Variants in USP34 observed in about 807,000 individuals in gnomAD.
USP34 encodes ubiquitin specific peptidase 34.
Under a neutral mutation model 460.3 loss-of-function variants are expected in USP34, and 70 were observed. That is an observed-to-expected ratio of 0.15 (90% confidence interval 0.13 to 0.19). USP34 has a LOEUF of 0.19. USP34 is among the 10% of genes least tolerant of loss of function. The pLI is 1.00. For synonymous variants in USP34, 1,647 were observed against 1,405.3 expected (o/e 1.17, Z -3.85); for missense variants, 3,985 against 4,236.2 (o/e 0.94, Z 1.65).
At chr2:61,188,861 A>G in intron 79 of USP34, 49 bp downstream of exon 79, 1 of 1,605,354 alleles carries the variant, frequency 6.2e-7, no homozygotes. Context: ...CAAGTGTATT[A>G]CTCCCTCCTC....
At chr2:61,395,376 C>T in intron 3 of USP34, 143 bp from the exon 4 acceptor site, 1 of 617,406 alleles carries the variant, frequency 1.6e-6, no homozygotes, top group Non-Finnish European at 2.9e-6. Context: ...ATACTCCTAA[C>T]TGAAGCTAAT....
In USP34 at chr2:61,405,830, C is replaced by G. The variant is rs750085754; in HGVS notation, c.430G>C (p.Asp144His). Residue 144 changes from aspartate (D) to histidine (H), a missense_variant, in exon 3 of 80, where the codon GAT becomes CAT. Transcript: ENST00000398571. ...TCTGTACTCCATAAACTAAAAGGAT[C>G]AGAACTCTTTGAAGATTCCTCCTCA... The part of the protein sequence containing the change: ...LTEEESSKSS[D>H]PFSLWSTDEK... 6.8e-6 allele frequency: 11 copies of G among 1,613,640 alleles called. No homozygotes were observed. Among genetic ancestry groups the G allele is most frequent in the South Asian group, 1.1e-5 (1 of 91,012 alleles).
In USP34 at chr2:61,333,884, T is replaced by C. The variant is rs774000169; in HGVS notation, c.2832A>G (p.Thr944=). The C allele has an allele frequency of 4.6e-6, 7 of 1,523,612 alleles. No homozygotes were observed. Among genetic ancestry groups the C allele is most frequent in the Non-Finnish European group, 6.2e-6 (7 of 1,135,016 alleles). The allele number at this position is 1,523,612 out of a possible 1,614,324, so 94.4% of individuals were successfully genotyped here. Residue 944 remains threonine, a splice_region_variant and synonymous_variant, in exon 19 of 80, where the codon ACA becomes ACG. Coordinates refer to ENST00000398571, the MANE Select transcript of USP34 (RefSeq NM_014709.4). ...FGSSYDTHWI[T]MWAEKELNMM... ...ACTTTTTTCTTTTATTTACTTACAT[T>C]GTTATCCAGTGTGTATCGTAACTGC...
chr2:61,352,174 T>C (rs950047633), intron 10 of USP34, among the ~76,000 whole-genome samples: 1 of 152,172 alleles, frequency 6.6e-6, no homozygotes, highest in Non-Finnish European at 1.5e-5. Context: ...ATCTCAAACT[T>C]TGTAGCAGTT....
chr2:61,383,397 C>T, intron 5 of USP34, 61 bp from the exon 6 acceptor site: 2 of 1,282,966 alleles, frequency 1.6e-6, no homozygotes, highest in Non-Finnish European at 2.2e-6. Context: ...ATATCTTTCA[C>T]TAAACTAATG....
At chr2:61,217,433 T>A (rs182034505) in intron 67 of USP34, among the ~76,000 whole-genome samples, 1 of 152,388 alleles carries the variant, frequency 6.6e-6, no homozygotes, top group Non-Finnish European at 1.5e-5. Context: ...GTTATTTTAA[T>A]TCTTATTCTA....
chr2:61,303,199 TG>T (rs993432859), intron 27 of USP34, among the ~76,000 whole-genome samples: 2 of 151,990 alleles, frequency 1.3e-5, no homozygotes, highest in Non-Finnish European at 2.9e-5. Context: ...CCTGAATAGC[TG>T]GGACTACAGG....
chr2:61,451,244 A>AAAAAAAAAAAAAAAAAAAAC (rs1695267059), intron 1 of USP34, among the ~76,000 whole-genome samples: 1 of 150,120 alleles, frequency 6.7e-6, no homozygotes, highest in Non-Finnish European at 1.5e-5. Context: ...AAAAAAAAAA[A>AAAAAAAAAAAAAAAAAAAAC]AGAAATGAAT....
At chr2:61,464,707 G>C (rs1237592908) in intron 1 of USP34, among the ~76,000 whole-genome samples, 1 of 112,862 alleles carries the variant, frequency 8.9e-6, no homozygotes, top group East Asian at 3.1e-4. Context: ...GAAAGAGCGA[G>C]ACTCCGTCTC....
At chr2:61,445,847 C>T (rs910950328) in intron 1 of USP34, among the ~76,000 whole-genome samples, 2 of 151,710 alleles carry the variant, frequency 1.3e-5, no homozygotes, top group African/African-American at 4.8e-5. Context: ...ACTCGGGAGC[C>T]TGAGGCAGAA....
intron 20 of USP34, among the ~76,000 whole-genome samples, chr2:61,330,251 T>C (rs947426245): frequency 6.6e-6 from 1 of 152,182 alleles, no homozygotes; most frequent in African/African-American, 2.4e-5. Flanking sequence ...TGGGTTGTTG[T>C]ATATCTTAAA....
At position 61,256,923 on chromosome 2, in the gene USP34, C is replaced by A; in HGVS notation, c.6076G>T (p.Glu2026Ter). Reference protein sequence around the residue: ...LDCEHVSQTAEEFYTVRCQVA... With the variant: ...LDCEHVSQTA The stretch of plus-strand genomic sequence containing the variant: ...TGGCACCTCACAGTATAAAACTCTT[C>A]AGCAGTTTGACTAACATGTTCACAA... Residue 2026 changes from glutamate to a stop codon, truncating the protein, a stop_gained, in exon 47 of 80, where the codon GAA becomes TAA. Coordinates refer to ENST00000398571, the MANE Select transcript of USP34 (RefSeq NM_014709.4). LOFTEE classifies it high-confidence loss of function. The A allele has an allele frequency of 6.4e-7, 1 of 1,564,516 alleles. No homozygotes were observed. The highest frequency in any genetic ancestry group is 1.3e-5 in the South Asian group (1 of 79,362).
chr2:61,362,191 C>A (rs1692296115), intron 10 of USP34, among the ~76,000 whole-genome samples: 1 of 152,058 alleles, frequency 6.6e-6, no homozygotes, highest in African/African-American at 2.4e-5. Context: ...AATGGGAATC[C>A]TTATACACTG....
chr2:61,457,487 G>C (rs1695474453), intron 1 of USP34, among the ~76,000 whole-genome samples: 1 of 152,108 alleles, frequency 6.6e-6, no homozygotes, highest in African/African-American at 2.4e-5. Flanking sequence ...GGTTTTTTCT[G>C]GTCCTTGAGA....
At chr2:61,329,477 A>T (rs1204220977) in intron 20 of USP34, among the ~76,000 whole-genome samples, 2 of 152,224 alleles carry the variant, frequency 1.3e-5, no homozygotes, top group Admixed American at 6.5e-5. Context: ...CATCCTGTAT[A>T]GAGGGAACTT....
chr2:61,467,455 GT>G (rs1485300205), intron 1 of USP34, among the ~76,000 whole-genome samples: 1 of 151,776 alleles, frequency 6.6e-6, no homozygotes, highest in Non-Finnish European at 1.5e-5. Flanking sequence ...TGACTGTTTT[GT>G]GAGGTTGCTT....
At chr2:61,194,951 C>CAA (rs59097382) in intron 75 of USP34, among the ~76,000 whole-genome samples, 6 of 126,234 alleles carry the variant, frequency 4.8e-5, no homozygotes, top group East Asian at 4.6e-4. Context: ...GAAACTCTGT[C>CAA]AAAAAAAAAA....
Position 61,220,443 on chromosome 2 carries a change from A to T in USP34, c.7914T>A (p.Asn2638Lys), listed in dbSNP as rs1687527258. Residue 2638 changes from asparagine (N) to lysine (K), a missense_variant, in exon 67 of 80, where the codon AAT (asparagine) becomes AAA (lysine). Physicochemically the swap from Asn to Lys is moderately conservative, Grantham distance 94. Transcript: ENST00000398571. ...LQRIWEVIEY[N>K]PSQCLDWLAV... Reference sequence around the variant, plus strand: ...CCAACCAATCTAGACACTGAGAAGGATTGTATTCAATCACCTACAAATAAC... The same window carrying T: ...CCAACCAATCTAGACACTGAGAAGGTTTGTATTCAATCACCTACAAATAAC... 1 of 1,611,842 alleles carries T rather than the reference A, an allele frequency of 6.2e-7. No individual in the cohort carries two copies. Among genetic ancestry groups the T allele is most frequent in the Non-Finnish European group, 8.5e-7 (1 of 1,179,274 alleles).
In USP34 at chr2:61,261,329, G is replaced by C. The variant is rs200095222; in HGVS notation, c.5779-1553C>G. The stretch of plus-strand genomic sequence containing the variant: ...TAAATTATAATTCAGCCTTAAAAAG[G>C]AAAGAACTTCTGACACATACAACAG... On this transcript the variant is annotated intron_variant, in intron 43 of 79. Coordinates refer to ENST00000398571, the MANE Select transcript of USP34 (RefSeq NM_014709.4). 3.3e-5 allele frequency among the ~76,000 whole-genome samples: 5 copies of C among 152,286 alleles called. No individual in the cohort carries two copies. In the East Asian group the frequency reaches 7.7e-4, roughly 23 times the overall value.
Sources: allele counts gnomAD v4.1 joint callset (sites outside exome capture counted in the v4.1 genomes callset), GRCh38; gene constraint gnomAD v4.1.1; transcripts MANE v1.5; gene names NCBI Gene and HGNC (gene_info 2026-07-23, HGNC 2026-07-21).